The following ARHGAP31 variants were observed in gnomAD, a reference collection of about 807,000 sequenced individuals.
ARHGAP31 encodes the protein rho GTPase-activating protein 31.
ARHGAP31 carries 34 observed loss-of-function variants against 113.9 expected under a neutral mutation model. The observed-to-expected ratio is 0.30, with a 90% CI of 0.23 to 0.40. The LOEUF is 0.40. ARHGAP31 is among the 10% of genes least tolerant of loss of function. The pLI is 1.00. For missense variants in ARHGAP31, 1,548 were observed against 1,767.1 expected, an observed-to-expected ratio of 0.88 and a Z score of 2.22; for synonymous variants, 650 against 684.8, an observed-to-expected ratio of 0.95 and a Z score of 0.79.
At chr3:119,295,982 A>G (rs2079530748) in intron 1 of ARHGAP31, among the ~76,000 whole-genome samples, 1 of 152,222 alleles carries the variant, frequency 6.6e-6, no homozygotes, top group African/African-American at 2.4e-5. Flanking sequence ...CTTCAGCGAG[A>G]GGAAAATAGC....
At position 119,414,045 on chromosome 3, in the gene ARHGAP31, T is replaced by G; in HGVS notation, c.2116T>G (p.Ser706Ala). 1 of 1,614,160 alleles carries G rather than the reference T, an allele frequency of 6.2e-7. No homozygotes were observed. Among genetic ancestry groups the G allele is most frequent in the Non-Finnish European group, 8.5e-7 (1 of 1,180,014 alleles). Residue 706 changes from serine (S) to alanine (A), a missense_variant, in exon 12 of 12, where the codon TCC becomes GCC. Ser to Ala is a moderately conservative substitution (Grantham distance 99). Coordinates refer to ENST00000264245, the MANE Select transcript of ARHGAP31 (RefSeq NM_020754.4). ...SEPPGSLPCG[S>A]FPAPVSTPLE... ...GCCTCCTGGGAGCTTGCCTTGTGGC[T>G]CCTTCCCTGCTCCAGTCTCCACCCC...
chr3:119,321,536 CTGTG>C (rs901096165), intron 1 of ARHGAP31, among the ~76,000 whole-genome samples: 19 of 149,512 alleles, frequency 1.3e-4, no homozygotes, highest in Non-Finnish European at 2.4e-4. Flanking sequence ...TGTGATTACA[CTGTG>C]TGTGTGTATA....
At chr3:119,407,914 G>C (rs923310242) in intron 10 of ARHGAP31, among the ~76,000 whole-genome samples, 3 of 152,068 alleles carry the variant, frequency 2.0e-5, no homozygotes, top group African/African-American at 7.2e-5. Context: ...AAATTCTCCA[G>C]AATAAAAAAT....
At chr3:119,368,661 A>C in intron 3 of ARHGAP31, 145 bp downstream of exon 3, 1 of 1,074,606 alleles carries the variant, frequency 9.3e-7, no homozygotes, top group Non-Finnish European at 1.3e-6. Context: ...TAATATGGTA[A>C]GGAAAATAGG....
intron 1 of ARHGAP31, among the ~76,000 whole-genome samples, chr3:119,315,732 A>G (rs1325034942): frequency 6.6e-6 from 1 of 152,246 alleles, no homozygotes; most frequent in African/African-American, 2.4e-5. Context: ...AAGGGGAGCT[A>G]GCTGCTGCTG....
chr3:119,404,110 G>A (rs915800364), intron 10 of ARHGAP31, among the ~76,000 whole-genome samples: 3 of 152,082 alleles, frequency 2.0e-5, no homozygotes, highest in Admixed American at 6.6e-5. Flanking sequence ...TGTGGGTCAT[G>A]GGCAGCAAGA....
chr3:119,390,680 A>AG, intron 6 of ARHGAP31, 105 bp from the exon 7 acceptor site: 3 of 1,267,306 alleles, frequency 2.4e-6, no homozygotes, highest in Non-Finnish European at 3.3e-6. Context: ...GGTGGCACTC[A>AG]GCCCCCATCA....
chr3:119,310,993 C>T (rs2079675096), intron 1 of ARHGAP31, among the ~76,000 whole-genome samples: 1 of 152,176 alleles, frequency 6.6e-6, no homozygotes, highest in Non-Finnish European at 1.5e-5. Flanking sequence ...GTGCTAACCT[C>T]CAGCAAGGCA....
intron 6 of ARHGAP31, 96 bp from the exon 7 acceptor site, chr3:119,390,689 C>G: frequency 1.5e-6 from 2 of 1,367,954 alleles, no homozygotes; most frequent in Non-Finnish European, 2.0e-6. Context: ...CAGCCCCCAT[C>G]ATAGGATCAA....
chr3:119,325,700 G>C (rs2079835409), intron 1 of ARHGAP31, among the ~76,000 whole-genome samples: 1 of 152,226 alleles, frequency 6.6e-6, no homozygotes, highest in Admixed American at 6.5e-5. Context: ...CCTGAAGGCA[G>C]GCTGTTTGAC....
chr3:119,385,510 A>AT (rs1019806541), intron 6 of ARHGAP31, among the ~76,000 whole-genome samples: 2 of 152,018 alleles, frequency 1.3e-5, no homozygotes, highest in Non-Finnish European at 2.9e-5. Context: ...CCAGTTATAG[A>AT]TTTTTTTCTT....
At chr3:119,368,635 G>T in intron 3 of ARHGAP31, 119 bp downstream of exon 3, 2 of 1,304,936 alleles carry the variant, frequency 1.5e-6, no homozygotes, top group South Asian at 1.3e-5. Flanking sequence ...ATCTTAGCGT[G>T]GTGAGGGAAG....
In ARHGAP31 at chr3:119,383,141, G is replaced by T; in HGVS notation, c.597G>T (p.Arg199=). The T allele has an allele frequency of 6.2e-7, 1 of 1,614,158 alleles. No individual in the cohort carries two copies. The highest frequency in any genetic ancestry group is 8.5e-7 in the Non-Finnish European group (1 of 1,180,018). The change falls in exon 6 of 12, where the codon CGG becomes CGT. Residue 199 remains arginine, a synonymous_variant. Transcript: ENST00000264245. ...GAGATGCAGCCTTCCTTGCAGTCCG[G>T]GTCCAGCAGGTGGTGATTGAGTTCA... is the stretch of plus-strand genomic sequence containing the variant. ...CNGDAAFLAV[R]VQQVVIEFIL...
chr3:119,337,990 A>G (rs751237502), intron 1 of ARHGAP31, among the ~76,000 whole-genome samples: 7 of 152,320 alleles, frequency 4.6e-5, no homozygotes, highest in East Asian at 1.9e-4. Flanking sequence ...TAAGGTCTAT[A>G]TATGCCTAGG....
At chr3:119,350,259 C>T (rs2107616327) in intron 1 of ARHGAP31, among the ~76,000 whole-genome samples, 1 of 152,210 alleles carries the variant, frequency 6.6e-6, no homozygotes, top group African/African-American at 2.4e-5. Flanking sequence ...CCAAGGCTTC[C>T]AAGCAAAGCG....
intron 8 of ARHGAP31, among the ~76,000 whole-genome samples, chr3:119,397,215 C>T (rs1480394975): frequency 6.6e-6 from 1 of 152,302 alleles, no homozygotes; most frequent in East Asian, 1.9e-4. Flanking sequence ...TGGGGACTGT[C>T]CACCAAGCCA....
At chr3:119,411,411 G>A (rs1171947503) in intron 11 of ARHGAP31, among the ~76,000 whole-genome samples, 1 of 152,086 alleles carries the variant, frequency 6.6e-6, no homozygotes, top group Admixed American at 6.5e-5. Flanking sequence ...AAGGTAGAAT[G>A]GACAGGACTT....
chr3:119,358,260 G>A (rs1420883994), intron 1 of ARHGAP31, among the ~76,000 whole-genome samples: 1 of 152,140 alleles, frequency 6.6e-6, no homozygotes, highest in Non-Finnish European at 1.5e-5. Context: ...AAGAAAAGAT[G>A]TTCTACATTG....
At chr3:119,368,633 G>T in intron 3 of ARHGAP31, 117 bp downstream of exon 3, 2 of 1,328,802 alleles carry the variant, frequency 1.5e-6, no homozygotes, top group Non-Finnish European at 2.1e-6. Flanking sequence ...TTATCTTAGC[G>T]TGGTGAGGGA....
Sources: allele counts gnomAD v4.1 joint callset (sites outside exome capture counted in the v4.1 genomes callset), GRCh38; gene constraint gnomAD v4.1.1; transcripts MANE v1.5; gene names NCBI Gene and HGNC (gene_info 2026-07-23, HGNC 2026-07-21).